Variants in DCT observed in about 807,000 individuals in gnomAD.
DCT encodes the protein L-dopachrome tautomerase.
A neutral mutation model predicts 53.0 loss-of-function variants in DCT; 47 were observed. The observed-to-expected ratio is 0.89, with a 90% CI of 0.70 to 1.13. DCT has a LOEUF of 1.13. Among genes scored for constraint, DCT ranks in the 50% most tolerant of loss-of-function variants. The pLI is 0.00. For synonymous variants in DCT, 244 were observed against 237.0 expected (o/e 1.03, Z -0.27); for missense variants, 669 against 637.4 (o/e 1.05, Z -0.53).
chr13:94,486,658 C>G, the DCT span, among the ~76,000 whole-genome samples: 15 of 152,270 alleles, frequency 9.9e-5, no homozygotes, highest in South Asian at 3.1e-3. Context: ...TGTACTTCCC[C>G]ATAGAAAGCA....
chr13:94,505,434 A>G, the DCT span, among the ~76,000 whole-genome samples: 2 of 152,162 alleles, frequency 1.3e-5, no homozygotes, highest in African/African-American at 4.8e-5. Context: ...AACATCAGTC[A>G]TTATCTTATT....
At chr13:94,511,902 C>T in the DCT span, among the ~76,000 whole-genome samples, 5 of 151,674 alleles carry the variant, frequency 3.3e-5, no homozygotes, top group African/African-American at 7.3e-5. Flanking sequence ...CTTGCTCTGT[C>T]GCTCAGGCTG....
intron 1 of DCT, among the ~76,000 whole-genome samples, chr13:94,472,982 A>G (rs547061327): frequency 7.2e-5 from 11 of 152,286 alleles, no homozygotes; most frequent in African/African-American, 2.2e-4. Flanking sequence ...ATATGACTAT[A>G]CTGTGCACAT....
At position 94,439,510 on chromosome 13, in the gene DCT, C is replaced by A. The variant is rs1882117623; in HGVS notation, c.*388G>T. On this transcript the variant is annotated 3_prime_UTR_variant, in exon 8 of 8. Coordinates refer to ENST00000377028, the MANE Select transcript of DCT (RefSeq NM_001922.5). ...AGAAAGATTGATGTATGGTCTTGGC[C>A]AGGTCTCACATTGCACTGACCTGCA... 2 of 158,416 alleles carry A rather than the reference C, an allele frequency of 1.3e-5. No homozygotes were observed. The highest frequency in any genetic ancestry group is 1.9e-4 in the South Asian group (1 of 5,190). 9.8% of individuals were successfully genotyped at this position (158,416 alleles called of 1,614,324 possible).
chr13:94,480,565 A>C (rs1045919411), upstream of DCT, among the ~76,000 whole-genome samples: 2 of 152,246 alleles, frequency 1.3e-5, no homozygotes, highest in African/African-American at 4.8e-5. Flanking sequence ...CAAATTCCTA[A>C]GGTGAAACAA....
At chr13:94,535,531 T>C in the DCT span, among the ~76,000 whole-genome samples, 2 of 152,190 alleles carry the variant, frequency 1.3e-5, no homozygotes, top group African/African-American at 4.8e-5. Flanking sequence ...AGCTCTCCTA[T>C]GCAGATATGC....
chr13:94,501,562 C>G, the DCT span, among the ~76,000 whole-genome samples: 1 of 151,948 alleles, frequency 6.6e-6, no homozygotes, highest in Non-Finnish European at 1.5e-5. Flanking sequence ...AGGCACCAGG[C>G]TCACAAGGAT....
At chr13:94,496,350 C>T in the DCT span, among the ~76,000 whole-genome samples, 1 of 152,078 alleles carries the variant, frequency 6.6e-6, no homozygotes, top group Non-Finnish European at 1.5e-5. Flanking sequence ...CACACCACCA[C>T]ACCCGGCTAA....
At chr13:94,478,798 C>G (rs1206201629) in intron 1 of DCT, among the ~76,000 whole-genome samples, 163 bp downstream of exon 1, 1 of 152,250 alleles carries the variant, frequency 6.6e-6, no homozygotes, top group Non-Finnish European at 1.5e-5. Flanking sequence ...GAAGAATAAA[C>G]CAGCACATCA....
intron 7 of DCT, among the ~76,000 whole-genome samples, chr13:94,442,618 T>C (rs775012779): frequency 4.0e-4 from 61 of 152,256 alleles, no homozygotes; most frequent in South Asian, 6.2e-4. Context: ...TCCTCCCATA[T>C]GTTGAACCAA....
At chr13:94,529,897 G>A in the DCT span, among the ~76,000 whole-genome samples, 2 of 152,226 alleles carry the variant, frequency 1.3e-5, no homozygotes, top group African/African-American at 4.8e-5. Context: ...CCACTAGCAA[G>A]ACTAATAAAG....
the DCT span, among the ~76,000 whole-genome samples, chr13:94,548,753 G>A: frequency 1.3e-3 from 197 of 152,254 alleles, no homozygotes; most frequent in Non-Finnish European, 2.2e-3. Flanking sequence ...TTCGAGCACG[G>A]GTCAAAGTTC....
At chr13:94,534,689 C>A in the DCT span, among the ~76,000 whole-genome samples, 1 of 152,182 alleles carries the variant, frequency 6.6e-6, no homozygotes, top group African/African-American at 2.4e-5. Context: ...CTACTGCCAT[C>A]GGCTGCCCTG....
rs775850287 is a variant in DCT, at chr13:94,436,920, C to T, written c.*2978G>A. On this transcript the variant is annotated 3_prime_UTR_variant, in exon 8 of 8. Coordinates refer to ENST00000377028, the MANE Select transcript of DCT (RefSeq NM_001922.5). Reference sequence around the variant, plus strand: ...AGGAAGAGCTTCAACCTTAGAGTCTCCAACAAATTGACCCATCTTGAAGGC... The same window carrying T: ...AGGAAGAGCTTCAACCTTAGAGTCTTCAACAAATTGACCCATCTTGAAGGC... The T allele has an allele frequency of 6.6e-6, 1 of 152,176 alleles. No individual in the cohort carries two copies. Among genetic ancestry groups the T allele is most frequent in the Non-Finnish European group, 1.5e-5 (1 of 68,030 alleles). The allele number at this position is 152,176 out of a possible 1,614,324, so 9.4% of individuals were successfully genotyped here. A position where few individuals can be genotyped will look rare whatever the true frequency, so the allele number is the denominator to read the frequency against.
At chr13:94,452,205 G>A (rs986435578) in intron 6 of DCT, among the ~76,000 whole-genome samples, 3 of 152,042 alleles carry the variant, frequency 2.0e-5, no homozygotes, top group Admixed American at 6.6e-5. Flanking sequence ...GCTAATTTTT[G>A]TATTTTTAGT....
chr13:94,462,222 T>A, intron 4 of DCT, 33 bp from the exon 5 acceptor site: 1 of 1,562,114 alleles, frequency 6.4e-7, no homozygotes, highest in Non-Finnish European at 8.8e-7. Context: ...AAATAATATA[T>A]GTTGGCTGGG....
chr13:94,483,600 T>C (rs1310223690), upstream of DCT, among the ~76,000 whole-genome samples: 1 of 152,054 alleles, frequency 6.6e-6, no homozygotes, highest in East Asian at 1.9e-4. Context: ...CCTCCCAGTT[T>C]AAGCAATTCT....
intron 1 of DCT, among the ~76,000 whole-genome samples, chr13:94,472,101 T>C (rs958626512): frequency 2.6e-5 from 4 of 152,200 alleles, no homozygotes; most frequent in Non-Finnish European, 4.4e-5. Flanking sequence ...TGTTTTTGAA[T>C]TGGGGGCCTG....
At chr13:94,537,593 T>C in the DCT span, among the ~76,000 whole-genome samples, 2 of 152,212 alleles carry the variant, frequency 1.3e-5, no homozygotes, top group Non-Finnish European at 2.9e-5. Context: ...GAAGAAGATG[T>C]AGAGCCTTTT....
Sources: gnomAD v4.1 joint callset for allele counts (sites outside exome capture counted in the v4.1 genomes callset) on GRCh38, gnomAD v4.1.1 for gene constraint, MANE v1.5 for transcripts, NCBI Gene and HGNC (gene_info 2026-07-23, HGNC 2026-07-21) for gene names.